DMGDH: variants seen among roughly 807,000 people sequenced by gnomAD.
DMGDH encodes the protein dimethylglycine dehydrogenase, mitochondrial.
In DMGDH, 76 loss-of-function variants were observed where a neutral mutation model predicts 95.2. The ratio of observed to expected loss-of-function variants is 0.80; its 90% CI spans 0.66 to 0.97. The LOEUF is 0.97. DMGDH is among the 50% of genes least tolerant of loss of function. DMGDH has a pLI of 0.00. For synonymous variants in DMGDH, 345 were observed against 377.6 expected (o/e 0.91, Z 1.00); for missense variants, 987 against 1,055.0 (o/e 0.94, Z 0.89).
intron 14 of DMGDH, among the ~76,000 whole-genome samples, chr5:79,016,365 A>G (rs1753734901): frequency 6.6e-6 from 1 of 152,250 alleles, no homozygotes; most frequent in Admixed American, 6.5e-5. Flanking sequence ...CAAAAATGCT[A>G]CTAGAACCAC....
intron 7 of DMGDH, 128 bp downstream of exon 7, chr5:79,042,155 T>C (rs1413055028): frequency 8.0e-6 from 7 of 880,156 alleles, no homozygotes; most frequent in Non-Finnish European, 1.3e-5. Context: ...TCTCTGGGTC[T>C]CTCTCTGTTT....
At chr5:79,050,154 G>A (rs1487420245) in intron 5 of DMGDH, among the ~76,000 whole-genome samples, 11 of 149,912 alleles carry the variant, frequency 7.3e-5, no homozygotes, top group Admixed American at 6.7e-4. Flanking sequence ...CCACTCAGGA[G>A]GCCGAGGCAG....
At chr5:79,021,818 T>C in intron 14 of DMGDH, 2 of 908,440 alleles carry the variant, frequency 2.2e-6, no homozygotes, top group South Asian at 3.0e-5. Context: ...ATAAGCCCAC[T>C]GTGGAAAAGG....
At chr5:79,062,427 A>C (rs1236662698) in intron 2 of DMGDH, among the ~76,000 whole-genome samples, 1 of 149,516 alleles carries the variant, frequency 6.7e-6, no homozygotes, top group Non-Finnish European at 1.5e-5. Context: ...TAGATGTCAA[A>C]AAGCCCCTCA....
chr5:79,046,569 T>C (rs944536296), intron 5 of DMGDH, among the ~76,000 whole-genome samples: 15 of 152,156 alleles, frequency 9.9e-5, no homozygotes, highest in African/African-American at 3.6e-4. Context: ...GTATCTTTTA[T>C]GTAGACAGGG....
Position 79,054,169 on chromosome 5 carries a change from C to A in DMGDH, c.540+15G>T. On this transcript the variant is annotated intron_variant, in intron 4 of 15. Transcript: ENST00000255189. Reference sequence around the variant, plus strand: ...TTAAGTCAACAAATGGTAAAAATGCCCTTAAGATAAATACCTTATTCATGT... The same window carrying A: ...TTAAGTCAACAAATGGTAAAAATGCACTTAAGATAAATACCTTATTCATGT... 1 of 1,612,720 alleles carries A rather than the reference C, an allele frequency of 6.2e-7. No homozygotes were observed. The highest frequency in any genetic ancestry group is 1.1e-5 in the South Asian group (1 of 90,888).
intron 1 of DMGDH, among the ~76,000 whole-genome samples, chr5:79,066,867 T>C (rs147137430): frequency 2.0e-5 from 3 of 152,264 alleles, no homozygotes; most frequent in Non-Finnish European, 4.4e-5. Context: ...AAGTGTTACT[T>C]TGAGACCATG....
At chr5:79,042,777 A>T (rs56327180) in intron 6 of DMGDH, among the ~76,000 whole-genome samples, 10,437 of 43,786 alleles carry the variant, frequency 0.24, 480 homozygotes, top group Middle Eastern at 0.35. Flanking sequence ...GTTTTTTTTA[A>T]AAAAAAACTA....
chr5:79,023,799 C>A (rs463614), intron 14 of DMGDH, among the ~76,000 whole-genome samples: 91,831 of 152,068 alleles, frequency 0.6, 29,473 homozygotes, highest in African/African-American at 0.84. Flanking sequence ...TTGCAGTTAC[C>A]CACAAAGATG....
At chr5:79,004,413 C>T (rs78577966) in intron 15 of DMGDH, among the ~76,000 whole-genome samples, 6 of 152,134 alleles carry the variant, frequency 3.9e-5, no homozygotes, top group South Asian at 4.2e-4. Context: ...GCAGTGAATA[C>T]GAAAAAAACC....
chr5:79,058,359 T>G (rs1755094122), intron 2 of DMGDH, among the ~76,000 whole-genome samples: 1 of 152,242 alleles, frequency 6.6e-6, no homozygotes, highest in South Asian at 2.1e-4. Context: ...TTAATGTAAG[T>G]GCCAGGCTTG....
At chr5:79,038,988 C>A (rs949493800) in intron 7 of DMGDH, among the ~76,000 whole-genome samples, 3 of 151,426 alleles carry the variant, frequency 2.0e-5, no homozygotes, top group Non-Finnish European at 2.9e-5. Context: ...CAGAGAAATG[C>A]AAATCAAAAC....
At chr5:79,019,459 TA>T (rs11300742) in intron 14 of DMGDH, among the ~76,000 whole-genome samples, 45,595 of 147,726 alleles carry the variant, frequency 0.31, 7,508 homozygotes, top group African/African-American at 0.45. Flanking sequence ...TTCACTGCAT[TA>T]AAAAAAAAAA....
At chr5:79,069,491 G>A in intron 1 of DMGDH, 29 bp downstream of exon 1, 2 of 1,229,810 alleles carry the variant, frequency 1.6e-6, no homozygotes, top group South Asian at 3.6e-5. Flanking sequence ...CCGCCCCGTC[G>A]CCTCTGAGCA....
At chr5:79,064,382 T>A (rs2947610) in intron 1 of DMGDH, among the ~76,000 whole-genome samples, 1 of 151,438 alleles carries the variant, frequency 6.6e-6, no homozygotes, top group East Asian at 2.0e-4. Context: ...GATTTAAAAT[T>A]GTACAGCTGT....
At chr5:79,021,724 G>A (rs1341007809) in intron 14 of DMGDH, 17 of 1,289,194 alleles carry the variant, frequency 1.3e-5, no homozygotes, top group South Asian at 8.6e-5. Context: ...AACATGTGGG[G>A]GAAGTGTCTA....
intron 5 of DMGDH, among the ~76,000 whole-genome samples, chr5:79,048,677 C>T (rs905812169): frequency 5.9e-5 from 9 of 152,086 alleles, no homozygotes; most frequent in African/African-American, 1.9e-4. Flanking sequence ...AACTTTTGTT[C>T]CCAATTACTG....
chr5:79,011,659 C>A (rs191231319), intron 14 of DMGDH, among the ~76,000 whole-genome samples: 92 of 152,194 alleles, frequency 6.0e-4, no homozygotes, highest in African/African-American at 2.1e-3. Context: ...TCTGAGGAGA[C>A]CTTAGCAAGC....
chr5:79,001,845 A>G (rs1179899798), intron 15 of DMGDH, among the ~76,000 whole-genome samples: 1 of 152,206 alleles, frequency 6.6e-6, no homozygotes, highest in Non-Finnish European at 1.5e-5. Flanking sequence ...ATATTTCAGA[A>G]ATCTGGCTTT....
Sources: allele counts gnomAD v4.1 joint callset (sites outside exome capture counted in the v4.1 genomes callset), GRCh38; gene constraint gnomAD v4.1.1; transcripts MANE v1.5; gene names NCBI Gene and HGNC (gene_info 2026-07-23, HGNC 2026-07-21).